ACOD1: variants seen among roughly 807,000 people sequenced by gnomAD.
ACOD1 encodes cis-aconitate decarboxylase.
ACOD1 carries 14 observed loss-of-function variants against 14.2 expected under a neutral mutation model. That is an observed-to-expected ratio of 0.99 (90% CI 0.65 to 1.54). The LOEUF is 1.54. Ranked by LOEUF, ACOD1 falls within the 40% of genes most tolerant of loss-of-function variation. The probability of loss-of-function intolerance (pLI) is 0.00; values close to 1 mark genes in which losing one functional copy is unlikely to be tolerated. For missense variants in ACOD1, 530 were observed against 586.3 expected (o/e 0.90, Z 0.99); for synonymous variants, 182 against 221.7 (o/e 0.82, Z 1.59).
chr13:76,956,504 T>C (rs578058922), intron 4 of ACOD1, among the ~76,000 whole-genome samples: 2 of 151,698 alleles, frequency 1.3e-5, no homozygotes, highest in East Asian at 3.9e-4. Context: ...CCGGCCTTAT[T>C]ATTATTATTT....
intron 1 of ACOD1, 90 bp from the exon 2 acceptor site, chr13:76,952,397 CTT>C (rs1156626714): frequency 1.1e-5 from 12 of 1,127,430 alleles, no homozygotes; most frequent in East Asian, 2.6e-5. Flanking sequence ...GAGCAAAACT[CTT>C]TATGCAAAAG....
chr13:76,952,096 G>A (rs1350592638), intron 1 of ACOD1, among the ~76,000 whole-genome samples: 1 of 152,132 alleles, frequency 6.6e-6, no homozygotes, highest in South Asian at 2.1e-4. Context: ...CACAGTGCCT[G>A]GCAGGTGTCT....
In ACOD1 at chr13:76,958,155, C is replaced by T. The variant is rs1444453577; in HGVS notation, c.*170C>T. 1 of 587,274 alleles carries T rather than the reference C, an allele frequency of 1.7e-6. No homozygotes were observed. The highest frequency in any genetic ancestry group is 2.8e-6 in the Non-Finnish European group (1 of 352,948). The allele number at this position is 587,274 out of a possible 1,614,324, so 36.4% of individuals were successfully genotyped here. A position where few individuals can be genotyped will look rare whatever the true frequency, so the allele number is the denominator to read the frequency against. ...GCCTTCTCCTGAAAATTTTGCAGGACAGTTCCACTTACCTAAATCAAGATG... is the reference window on the plus strand; with the variant it reads ...GCCTTCTCCTGAAAATTTTGCAGGATAGTTCCACTTACCTAAATCAAGATG... On this transcript the variant is annotated 3_prime_UTR_variant, in exon 5 of 5. Coordinates refer to ENST00000377462, the MANE Select transcript of ACOD1 (RefSeq NM_001258406.2).
intron 3 of ACOD1, 87 bp from the exon 4 acceptor site, chr13:76,955,232 A>G: frequency 1.2e-6 from 1 of 852,956 alleles, no homozygotes; most frequent in Admixed American, 2.6e-5. Context: ...CAAGGTTATT[A>G]CTAAACTAAG....
chr13:76,957,630 A>G lies in ACOD1; in HGVS notation c.1091A>G (p.Glu364Gly), dbSNP rs1007896631. The change falls in exon 5 of 5, where the codon GAG becomes GGG. Residue 364 changes from glutamate to glycine, a missense_variant. By Grantham distance (98) the Glu-to-Gly change is moderately conservative (BLOSUM62 -2). Coordinates refer to ENST00000377462, the MANE Select transcript of ACOD1 (RefSeq NM_001258406.2). The part of the protein sequence containing the change: ...ECQINRPQVR[E>G]LLSKVELEYP... ...CAGATCAACAGGCCACAGGTGAGAGAGCTGCTCAGTAAGGTGGAGCTGGAG... is the reference window on the plus strand; with the variant it reads ...CAGATCAACAGGCCACAGGTGAGAGGGCTGCTCAGTAAGGTGGAGCTGGAG... The G allele has an allele frequency of 1.3e-6, 2 of 1,550,570 alleles. No individual in the cohort carries two copies. The highest frequency in any genetic ancestry group is 1.4e-5 in the African/African-American group (1 of 73,142).
chr13:76,957,286 T>C lies in ACOD1; in HGVS notation c.747T>C (p.Tyr249=), dbSNP rs1362530427. ...GATTTGGGGCCTTTTATGCCAACTA[T>C]TCCCCAAAAGTCCTTCCAAGCATAG... ...EAGFGAFYAN[Y]SPKVLPSIAS... Residue 249 remains tyrosine, a synonymous_variant, in exon 5 of 5, where the codon TAT becomes TAC. Coordinates refer to ENST00000377462, the MANE Select transcript of ACOD1 (RefSeq NM_001258406.2). 3 of 1,550,638 alleles carry C rather than the reference T, an allele frequency of 1.9e-6. No homozygotes were observed. Among genetic ancestry groups the C allele is most frequent in the South Asian group, 1.2e-5 (1 of 84,070 alleles).
chr13:76,957,150 C>T lies in ACOD1; in HGVS notation c.611C>T (p.Thr204Ile). Residue 204 changes from threonine (T) to isoleucine (I), a missense_variant, in exon 5 of 5, where the codon ACC becomes ATC. Coordinates refer to ENST00000377462, the MANE Select transcript of ACOD1 (RefSeq NM_001258406.2). ...GGGGCACCCATGGCCAATGCTGCCA[C>T]CCAGACCAAGCCCCTCCACATTGGC... Reference protein sequence around the residue: ...HAGAPMANAATQTKPLHIGNA... With the variant: ...HAGAPMANAAIQTKPLHIGNA... 1.3e-6 allele frequency: 2 copies of T among 1,550,648 alleles called. No individual in the cohort carries two copies. The highest frequency in any genetic ancestry group is 1.7e-6 in the Non-Finnish European group (2 of 1,147,008).
intron 4 of ACOD1, among the ~76,000 whole-genome samples, chr13:76,956,783 G>T (rs933884890): frequency 6.6e-6 from 1 of 152,282 alleles, no homozygotes; most frequent in East Asian, 1.9e-4. Context: ...AAAGTCCTGG[G>T]ATTACAGGCA....
At chr13:76,953,718 A>G in intron 3 of ACOD1, 29 bp downstream of exon 3, 4 of 1,267,518 alleles carry the variant, frequency 3.2e-6, no homozygotes, top group Non-Finnish European at 4.5e-6. Flanking sequence ...CTTTTCAACT[A>G]TTAGATAATC....
intron 4 of ACOD1, among the ~76,000 whole-genome samples, chr13:76,955,966 C>T (rs534945946): frequency 6.6e-6 from 1 of 152,192 alleles, no homozygotes; most frequent in South Asian, 2.1e-4. Context: ...CCACTTGCTC[C>T]AGCCTGCCAG....
chr13:76,956,160 C>T (rs2137749471), intron 4 of ACOD1, among the ~76,000 whole-genome samples: 1 of 152,278 alleles, frequency 6.6e-6, no homozygotes, highest in Non-Finnish European at 1.5e-5. Context: ...TTAATTTATT[C>T]AAAGCTCCTA....
In ACOD1 at chr13:76,950,132, G is replaced by A. The variant is rs749327090; in HGVS notation, c.12+1562G>A. Among the ~76,000 whole-genome samples, 62 of 152,142 alleles carry A rather than the reference G, an allele frequency of 4.1e-4. 1 individual carries two copies. Among genetic ancestry groups the A allele is most frequent in the Non-Finnish European group, 6.2e-4 (42 of 68,032 alleles). Reference sequence around the variant, plus strand: ...GGTTGAAGGACGTTCAGCTAGGCACGGGTTCCATCTCTGTAGCTCTGTCCT... The same window carrying A: ...GGTTGAAGGACGTTCAGCTAGGCACAGGTTCCATCTCTGTAGCTCTGTCCT... On this transcript the variant is annotated intron_variant, in intron 1 of 4. Transcript: ENST00000377462.
intron 4 of ACOD1, among the ~76,000 whole-genome samples, chr13:76,955,725 C>A (rs374669293): frequency 6.6e-6 from 1 of 152,166 alleles, no homozygotes. Context: ...CAACCTGGAC[C>A]GTGAGATTAA....
At chr13:76,949,614 C>G (rs1050562234) in intron 1 of ACOD1, among the ~76,000 whole-genome samples, 1 of 152,072 alleles carries the variant, frequency 6.6e-6, no homozygotes, top group African/African-American at 2.4e-5. Context: ...TCCATGTCAC[C>G]ACCCCACCTC....
chr13:76,949,932 CTT>C (rs1160351190), intron 1 of ACOD1, among the ~76,000 whole-genome samples: 1 of 152,106 alleles, frequency 6.6e-6, no homozygotes, highest in African/African-American at 2.4e-5. Flanking sequence ...TGCCACCATC[CTT>C]TCTCTCTCCC....
At chr13:76,956,083 T>C (rs1244005768) in intron 4 of ACOD1, among the ~76,000 whole-genome samples, 1 of 152,270 alleles carries the variant, frequency 6.6e-6, no homozygotes, top group Non-Finnish European at 1.5e-5. Context: ...CTGTTGCCTT[T>C]CTGGCAATAA....
chr13:76,957,476 A>C lies in ACOD1; in HGVS notation c.937A>C (p.Ile313Leu), dbSNP rs1224304966. 4 of 1,550,520 alleles carry C rather than the reference A, an allele frequency of 2.6e-6. No individual in the cohort carries two copies. The African/African-American group carries it at 5.5e-5, about 21-fold the overall frequency. ...TDYIKRIVLR[I>L]PNVQYVNRPF... ...CTACATTAAGAGAATTGTGCTCAGG[A>C]TACCAAATGTCCAGTATGTAAACAG... The change falls in exon 5 of 5, where the codon ATA becomes CTA. Residue 313 changes from isoleucine to leucine, a missense_variant. Physicochemically the swap from Ile to Leu is conservative, Grantham distance 5 (BLOSUM62 2). Coordinates refer to ENST00000377462, the MANE Select transcript of ACOD1 (RefSeq NM_001258406.2).
At chr13:76,954,083 A>G (rs1393197298) in intron 3 of ACOD1, among the ~76,000 whole-genome samples, 2 of 152,200 alleles carry the variant, frequency 1.3e-5, no homozygotes, top group Non-Finnish European at 2.9e-5. Context: ...CATCCATTCA[A>G]CAGATAGTTA....
At position 76,948,515 on chromosome 13, in the gene ACOD1, C is replaced by T. The variant is rs1177968157; in HGVS notation, c.-44C>T. The T allele has an allele frequency of 1.2e-5, 19 of 1,535,886 alleles. No homozygotes were observed. Among genetic ancestry groups the T allele is most frequent in the Non-Finnish European group, 6.2e-6 (7 of 1,136,182 alleles). On this transcript the variant is annotated 5_prime_UTR_variant, in exon 1 of 5. Coordinates refer to ENST00000377462, the MANE Select transcript of ACOD1 (RefSeq NM_001258406.2). ...CAGACATCCAGCAAACAAATTACTCCTCTGGTTCACTCCTCCTGAACTGAA... is the reference window on the plus strand; with the variant it reads ...CAGACATCCAGCAAACAAATTACTCTTCTGGTTCACTCCTCCTGAACTGAA...
Sources: allele counts gnomAD v4.1 joint callset (sites outside exome capture counted in the v4.1 genomes callset), GRCh38; gene constraint gnomAD v4.1.1; transcripts MANE v1.5; gene names NCBI Gene and HGNC (gene_info 2026-07-23, HGNC 2026-07-21).